LRRC37A3: variants seen among roughly 807,000 people sequenced by gnomAD.
The protein encoded by LRRC37A3 is leucine-rich repeat-containing protein 37A3.
LRRC37A3 carries 25 observed loss-of-function variants against 106.2 expected under a neutral mutation model. That is an observed-to-expected ratio of 0.24 (90% confidence interval 0.17 to 0.33). The LOEUF (loss-of-function observed/expected upper bound fraction) is 0.33, where lower values mean the gene tolerates loss of function less well. Among genes scored for constraint, LRRC37A3 ranks in the 10% least tolerant of loss-of-function variants. The pLI, the probability that LRRC37A3 is intolerant of heterozygous loss-of-function variation, is 1.00. For missense variants in LRRC37A3, 712 were observed against 1,644.9 expected (o/e 0.43, Z 9.81); for synonymous variants, 305 against 635.8 (o/e 0.48, Z 7.83).
intron 8 of LRRC37A3, among the ~76,000 whole-genome samples, chr17:64,877,589 T>C (rs1567772773): frequency 6.6e-6 from 1 of 152,244 alleles, no homozygotes; most frequent in Non-Finnish European, 1.5e-5. Flanking sequence ...TTGGGTTGAT[T>C]ACATATCTGC....
intron 10 of LRRC37A3, among the ~76,000 whole-genome samples, chr17:64,867,942 C>T (rs1165616770): frequency 6.6e-6 from 1 of 152,164 alleles, no homozygotes; most frequent in African/African-American, 2.4e-5. Context: ...GGCATGGTGG[C>T]ATGTGCCTGT....
rs543578829 is a variant in LRRC37A3 at position 64,909,284 on chromosome 17, A to C, written c.-496+9466T>G. ...TTGGAAAAAAAAGAAAAAAAACAAAAAACAACCTTGCTACTCAACGAGGGA... is the reference window on the plus strand; with the variant it reads ...TTGGAAAAAAAAGAAAAAAAACAAACAACAACCTTGCTACTCAACGAGGGA... On this transcript the variant is annotated intron_variant, in intron 2 of 14. Coordinates refer to ENST00000584306, the MANE Select transcript of LRRC37A3 (RefSeq NM_199340.5). Among the ~76,000 whole-genome samples, 4 of 152,326 alleles carry C rather than the reference A, an allele frequency of 2.6e-5. No individual in the cohort carries two copies. In the East Asian group the frequency reaches 7.7e-4, roughly 29 times the overall value.
intron 2 of LRRC37A3, among the ~76,000 whole-genome samples, chr17:64,906,670 T>C (rs1974464434): frequency 1.3e-5 from 2 of 150,654 alleles, no homozygotes; most frequent in Non-Finnish European, 3.0e-5. Context: ...AAGTAAAAAA[T>C]GAAATTACTT....
chr17:64,893,723 C>T (rs1974033963), intron 4 of LRRC37A3, among the ~76,000 whole-genome samples: 1 of 140,050 alleles, frequency 7.1e-6, no homozygotes, highest in Non-Finnish European at 1.5e-5. Flanking sequence ...AATCTCGGCT[C>T]ACTGCAAGCT....
In LRRC37A3 at chr17:64,860,256, G is replaced by T; in HGVS notation, c.3890C>A (p.Pro1297His). The change falls in exon 12 of 15, where the codon CCC (proline) becomes CAC (histidine). Residue 1297 changes from proline (P) to histidine (H), a missense_variant. Coordinates refer to ENST00000584306, the MANE Select transcript of LRRC37A3 (RefSeq NM_199340.5). Reference sequence around the variant, plus strand: ...GTATTTTTTTCTGGAATGTACGATGGGTTTAGATGTCTTCATATTTGTAAC... The same window carrying T: ...GTATTTTTTTCTGGAATGTACGATGTGTTTAGATGTCTTCATATTTGTAAC... ...ARVTNMKTSK[P>H]IVHSRKKYRF... 1 of 1,613,930 alleles carries T rather than the reference G, an allele frequency of 6.2e-7. No individual in the cohort carries two copies.
Position 64,896,578 on chromosome 17 carries a change from G to A in LRRC37A3, c.680C>T (p.Pro227Leu). The A allele has an allele frequency of 1.4e-6, 2 of 1,428,290 alleles. No individual in the cohort carries two copies. Among genetic ancestry groups the A allele is most frequent in the Non-Finnish European group, 1.9e-6 (2 of 1,047,828 alleles). The allele number at this position is 1,428,290 out of a possible 1,614,324, so 88.5% of individuals were successfully genotyped here. A position where few individuals can be genotyped will look rare whatever the true frequency, so the allele number is the denominator to read the frequency against. ...GGACTGGATGTCTTCAAGGGTCTCT[G>A]GATTTTGAGTTTCGGGCTCTAGATG... ...QFHLEPETQN[P>L]ETLEDIQSSS... Residue 227 changes from proline to leucine, a missense_variant, in exon 4 of 15, where the codon CCA becomes CTA. Transcript: ENST00000584306.
chr17:64,855,057 G>A (rs929475300), intron 14 of LRRC37A3, among the ~76,000 whole-genome samples: 1 of 152,220 alleles, frequency 6.6e-6, no homozygotes, highest in Non-Finnish European at 1.5e-5. Context: ...GGCTGGTCAC[G>A]AGCTCCTAAC....
chr17:64,873,161 G>C (rs1417022200), intron 8 of LRRC37A3, among the ~76,000 whole-genome samples: 1 of 149,224 alleles, frequency 6.7e-6, no homozygotes, highest in Non-Finnish European at 1.5e-5. Flanking sequence ...TGGCAGCATG[G>C]ATCTGATTTT....
chr17:64,870,018 T>G (rs1973257777), intron 8 of LRRC37A3, among the ~76,000 whole-genome samples: 1 of 151,166 alleles, frequency 6.6e-6, no homozygotes, highest in African/African-American at 2.5e-5. Context: ...TTTCTTACAT[T>G]GCATGTAATC....
chr17:64,894,054 GT>G (rs1299635540), intron 4 of LRRC37A3, among the ~76,000 whole-genome samples: 3 of 140,338 alleles, frequency 2.1e-5, no homozygotes, highest in African/African-American at 6.2e-5. Flanking sequence ...ACAAAAATGA[GT>G]TCTGGACAAA....
chr17:64,915,494 A>T (rs149673019), intron 2 of LRRC37A3, among the ~76,000 whole-genome samples: 1,927 of 152,316 alleles, frequency 0.013, 23 homozygotes, highest in African/African-American at 0.044. Flanking sequence ...CATATTGTCT[A>T]TGACTGCTTT....
chr17:64,907,235 CAAAA>C (rs1293047037), intron 2 of LRRC37A3, among the ~76,000 whole-genome samples: 4 of 138,986 alleles, frequency 2.9e-5, no homozygotes, highest in African/African-American at 1.1e-4. Context: ...AAAACAAAAA[CAAAA>C]AACCCTCACA....
At chr17:64,881,752 A>G (rs1973707230) in intron 8 of LRRC37A3, among the ~76,000 whole-genome samples, 1 of 151,320 alleles carries the variant, frequency 6.6e-6, no homozygotes, top group Admixed American at 6.6e-5. Flanking sequence ...TGAGGAATAA[A>G]TGAAAGAGCA....
At chr17:64,873,595 G>T (rs1257379125) in intron 8 of LRRC37A3, among the ~76,000 whole-genome samples, 4 of 149,606 alleles carry the variant, frequency 2.7e-5, no homozygotes, top group Non-Finnish European at 4.4e-5. Flanking sequence ...TAAAGAGATA[G>T]AAACCATAAA....
chr17:64,915,612 G>A (rs1284909526), intron 2 of LRRC37A3, among the ~76,000 whole-genome samples: 1 of 152,254 alleles, frequency 6.6e-6, no homozygotes, highest in Non-Finnish European at 1.5e-5. Context: ...AGAGCTGTTA[G>A]ATGAACACCA....
chr17:64,913,406 T>C (rs1473952201), intron 2 of LRRC37A3, among the ~76,000 whole-genome samples: 2 of 150,978 alleles, frequency 1.3e-5, no homozygotes, highest in African/African-American at 4.9e-5. Flanking sequence ...AGTGGCGTGA[T>C]CTCGGCTCAC....
rs763682511 is a variant in LRRC37A3 at position 64,859,583 on chromosome 17, T to G, written c.4563A>C (p.Thr1521=). 1 of 1,612,996 alleles carries G rather than the reference T, an allele frequency of 6.2e-7. No individual in the cohort carries two copies. The highest frequency in any genetic ancestry group is 8.5e-7 in the Non-Finnish European group (1 of 1,179,912). ...QVTCAKLVSR[T]GHLMKLLSGQ... Reference sequence around the variant, plus strand: ...CACTGAGAAGCTTCATCAGGTGGCCTGTCCTGGAGACGAGCTTGGCACAGG... The same window carrying G: ...CACTGAGAAGCTTCATCAGGTGGCCGGTCCTGGAGACGAGCTTGGCACAGG... Residue 1521 remains threonine (T), a synonymous_variant, in exon 12 of 15, where the codon ACA becomes ACC. Transcript: ENST00000584306.
chr17:64,869,393 A>G (rs1973227076), intron 8 of LRRC37A3, among the ~76,000 whole-genome samples: 1 of 152,176 alleles, frequency 6.6e-6, no homozygotes, highest in Non-Finnish European at 1.5e-5. Context: ...TACAAGGAAA[A>G]AAAAAGTGGA....
In LRRC37A3 at chr17:64,859,797, A is replaced by G; in HGVS notation, c.4349T>C (p.Val1450Ala). 2 of 1,612,146 alleles carry G rather than the reference A, an allele frequency of 1.2e-6. No individual in the cohort carries two copies. The highest frequency in any genetic ancestry group is 1.7e-6 in the Non-Finnish European group (2 of 1,179,918). ...QTETKWEYNN[V>A]GTDLSPEPKS... ...GGGCTCGGGGGACAGGTCAGTGCCC[A>G]CGTTGTTGTATTCCCATTTTGTCTC... Residue 1450 changes from valine (V) to alanine (A), a missense_variant, in exon 12 of 15, where the codon GTG (valine) becomes GCG (alanine). Transcript: ENST00000584306.
Sources: allele counts gnomAD v4.1 joint callset (sites outside exome capture counted in the v4.1 genomes callset), GRCh38; gene constraint gnomAD v4.1.1; transcripts MANE v1.5; gene names NCBI Gene and HGNC (gene_info 2026-07-23, HGNC 2026-07-21).